Variants in PRKCE observed in about 807,000 individuals in gnomAD.
The protein encoded by PRKCE is protein kinase C epsilon type.
In PRKCE, 16 loss-of-function variants were observed where a neutral mutation model predicts 85.4. The ratio of observed to expected loss-of-function variants is 0.19; its 90% CI spans 0.13 to 0.28. The LOEUF (loss-of-function observed/expected upper bound fraction) is 0.28, where lower values mean the gene tolerates loss of function less well. Ranked by LOEUF, PRKCE falls within the 10% of genes least tolerant of loss-of-function variation. The pLI, the probability that PRKCE is intolerant of heterozygous loss-of-function variation, is 1.00. For missense variants in PRKCE, 573 were observed against 975.2 expected, an observed-to-expected ratio of 0.59 and a Z score of 5.49; for synonymous variants, 388 against 371.5, an observed-to-expected ratio of 1.04 and a Z score of -0.51.
At chr2:45,768,906 A>G (rs1431204762) in intron 1 of PRKCE, among the ~76,000 whole-genome samples, 8 of 152,244 alleles carry the variant, frequency 5.3e-5, no homozygotes, top group Admixed American at 1.3e-4. Context: ...ACAACTTCAT[A>G]TCTCCACGTT....
chr2:45,734,118 G>A (rs1681832644), intron 1 of PRKCE, among the ~76,000 whole-genome samples: 18 of 152,186 alleles, frequency 1.2e-4, no homozygotes, highest in Admixed American at 1.2e-3. Context: ...TGTAATCCCA[G>A]CACTTTGGGA....
At chr2:46,168,288 G>C (rs933054922) in intron 14 of PRKCE, among the ~76,000 whole-genome samples, 1 of 152,140 alleles carries the variant, frequency 6.6e-6, no homozygotes, top group African/African-American at 2.4e-5. Flanking sequence ...TCTCCTCCCA[G>C]ACCCACCTGC....
At chr2:45,861,376 A>C (rs1309175921) in intron 2 of PRKCE, among the ~76,000 whole-genome samples, 1 of 152,186 alleles carries the variant, frequency 6.6e-6, no homozygotes, top group Non-Finnish European at 1.5e-5. Context: ...GATATATAAT[A>C]GATTGGGGGT....
At chr2:46,118,336 G>A (rs1438118780) in intron 11 of PRKCE, among the ~76,000 whole-genome samples, 1 of 152,184 alleles carries the variant, frequency 6.6e-6, no homozygotes, top group Non-Finnish European at 1.5e-5. Context: ...ACTACCCAAA[G>A]TTGGCCAAAG....
At chr2:45,909,686 G>T (rs13417518) in intron 2 of PRKCE, among the ~76,000 whole-genome samples, 3,276 of 152,270 alleles carry the variant, frequency 0.022, 132 homozygotes, top group African/African-American at 0.074. Flanking sequence ...AGTTTTCCTG[G>T]TGAGGCTACC....
chr2:45,808,329 G>A (rs1399829157), intron 1 of PRKCE, among the ~76,000 whole-genome samples: 1 of 152,174 alleles, frequency 6.6e-6, no homozygotes, highest in Admixed American at 6.5e-5. Context: ...TTGGAGGTTG[G>A]AGAAAAAGAA....
intron 10 of PRKCE, among the ~76,000 whole-genome samples, chr2:46,045,057 G>A (rs564016704): frequency 1.5e-4 from 23 of 152,246 alleles, no homozygotes; most frequent in East Asian, 9.6e-4. Flanking sequence ...TTTAAGCTCC[G>A]GGTTGTGTTC....
chr2:45,666,890 G>T (rs774524524), intron 1 of PRKCE, among the ~76,000 whole-genome samples: 2 of 152,166 alleles, frequency 1.3e-5, no homozygotes, highest in Non-Finnish European at 2.9e-5. Context: ...ACCCAGGCTA[G>T]AATGCAGTGG....
intron 14 of PRKCE, among the ~76,000 whole-genome samples, chr2:46,162,800 C>G (rs1677912057): frequency 6.6e-6 from 1 of 151,954 alleles, no homozygotes; most frequent in Non-Finnish European, 1.5e-5. Context: ...AGGAGAAATA[C>G]CAAAATTGGG....
intron 11 of PRKCE, among the ~76,000 whole-genome samples, chr2:46,116,655 A>T (rs1273876392): frequency 6.6e-6 from 1 of 152,040 alleles, no homozygotes; most frequent in African/African-American, 2.4e-5. Context: ...TTCATGGTTT[A>T]TACATCTGTC....
intron 1 of PRKCE, chr2:45,685,594 A>C (rs557718467): frequency 6.6e-6 from 1 of 152,232 alleles, no homozygotes; most frequent in African/African-American, 2.4e-5. Context: ...GTTTGAGACA[A>C]GCCTGAGCAA....
chr2:46,073,272 T>C (rs1018634279), intron 10 of PRKCE, among the ~76,000 whole-genome samples: 4 of 152,216 alleles, frequency 2.6e-5, no homozygotes, highest in Non-Finnish European at 5.9e-5. Flanking sequence ...TAGAGGTTTT[T>C]CTTCTAGTGT....
chr2:45,817,508 A>G (rs1558706353), intron 1 of PRKCE, among the ~76,000 whole-genome samples: 2 of 149,784 alleles, frequency 1.3e-5, no homozygotes, highest in East Asian at 3.9e-4. Context: ...CCTGGCTAAC[A>G]CGGTGAAACC....
At chr2:45,860,167 T>G (rs751175720) in intron 2 of PRKCE, among the ~76,000 whole-genome samples, 1 of 152,226 alleles carries the variant, frequency 6.6e-6, no homozygotes, top group Non-Finnish European at 1.5e-5. Context: ...CCCAGCAAGC[T>G]GGAATAGTGC....
Position 45,748,635 on chromosome 2 carries a change from C to T in PRKCE, c.349-94365C>T, listed in dbSNP as rs570410175. On this transcript the variant is annotated intron_variant, in intron 1 of 14. Transcript: ENST00000306156. ...GCTTTTTGGATCTCTTATCTCTACCCTTCAGTCTCTAGTTTGGGTCTTCTC... is the reference window on the plus strand; with the variant it reads ...GCTTTTTGGATCTCTTATCTCTACCTTTCAGTCTCTAGTTTGGGTCTTCTC... 2.2e-3 allele frequency among the ~76,000 whole-genome samples: 335 copies of T among 152,306 alleles called. 1 individual carries two copies. The highest frequency in any genetic ancestry group is 3.8e-3 in the Non-Finnish European group (257 of 68,032).
intron 2 of PRKCE, among the ~76,000 whole-genome samples, chr2:45,960,610 G>T (rs1558887777): frequency 1.3e-5 from 2 of 152,186 alleles, no homozygotes; most frequent in African/African-American, 4.8e-5. Flanking sequence ...AGGCAATAAT[G>T]CTTGCCCACC....
At chr2:46,097,703 C>G (rs1407605774) in intron 11 of PRKCE, among the ~76,000 whole-genome samples, 1 of 152,142 alleles carries the variant, frequency 6.6e-6, no homozygotes, top group African/African-American at 2.4e-5. Context: ...TTCTGTCCCT[C>G]TCCCATGTCA....
intron 1 of PRKCE, among the ~76,000 whole-genome samples, chr2:45,790,896 G>A (rs1686980424): frequency 1.3e-5 from 2 of 152,216 alleles, no homozygotes; most frequent in African/African-American, 2.4e-5. Flanking sequence ...AGCGGGGAAT[G>A]TGGTGGCACA....
At chr2:46,173,404 G>A (rs991817850) in intron 14 of PRKCE, among the ~76,000 whole-genome samples, 1 of 152,182 alleles carries the variant, frequency 6.6e-6, no homozygotes, top group South Asian at 2.1e-4. Flanking sequence ...CTCCAGGGGT[G>A]GGAACCCCAT....
Sources: allele counts gnomAD v4.1 joint callset (sites outside exome capture counted in the v4.1 genomes callset), GRCh38; gene constraint gnomAD v4.1.1; transcripts MANE v1.5; gene names NCBI Gene and HGNC (gene_info 2026-07-23, HGNC 2026-07-21).